The following FRMPD4 variants were observed in gnomAD, a reference collection of about 807,000 sequenced individuals.
FRMPD4 encodes the protein FERM and PDZ domain-containing protein 4.
In FRMPD4, 22 loss-of-function variants were observed where a neutral mutation model predicts 94.1. The ratio of observed to expected loss-of-function variants is 0.23; its 90% CI spans 0.17 to 0.33. FRMPD4 has a LOEUF of 0.33. Ranked by LOEUF, FRMPD4 falls within the 10% of genes least tolerant of loss-of-function variation. The probability of loss-of-function intolerance (pLI) is 1.00; values close to 1 mark genes in which losing one functional copy is unlikely to be tolerated. For synonymous variants in FRMPD4, 631 were observed against 548.6 expected (o/e 1.15, Z -2.10); for missense variants, 1,111 against 1,339.9 (o/e 0.83, Z 2.67).
intron 1 of FRMPD4, among the ~76,000 whole-genome samples, chrX:12,414,328 A>G (rs750568896): frequency 8.9e-5 from 10 of 112,411 alleles, no homozygotes; most frequent in Admixed American, 2.8e-4. Flanking sequence ...CAAAAGGTCT[A>G]TCATTGATTC....
chrX:12,342,043 C>T (rs72612880), intron 1 of FRMPD4, among the ~76,000 whole-genome samples: 1 of 111,847 alleles, frequency 8.9e-6, no homozygotes, highest in East Asian at 2.8e-4. Context: ...TAGAAGAGAT[C>T]GGATTTGTGA....
At chrX:11,863,482 C>T (rs1438796459) in intron 1 of FRMPD4, among the ~76,000 whole-genome samples, 1 of 110,876 alleles carries the variant, frequency 9.0e-6, no homozygotes, top group Admixed American at 9.7e-5. Flanking sequence ...TTGGTGGGAA[C>T]TGAAGAAGAT....
intron 1 of FRMPD4, among the ~76,000 whole-genome samples, chrX:12,263,272 C>CT (rs948923053): frequency 2.7e-5 from 3 of 111,269 alleles, no homozygotes; most frequent in African/African-American, 9.8e-5. Flanking sequence ...CCAGGAAACT[C>CT]CTTAGTCCCC....
At chrX:12,341,102 T>C (rs1026177955) in intron 1 of FRMPD4, among the ~76,000 whole-genome samples, 22 of 112,178 alleles carry the variant, frequency 2.0e-4, no homozygotes, top group African/African-American at 6.8e-4. Context: ...TTCAAGTCAG[T>C]TTTTAAATCT....
intron 2 of FRMPD4, among the ~76,000 whole-genome samples, chrX:12,574,808 C>T (rs902080570): frequency 5.4e-5 from 6 of 112,051 alleles, no homozygotes; most frequent in African/African-American, 1.6e-4. Context: ...GTGCCCAGCC[C>T]GGGGTATTTT....
chrX:11,855,639 G>A lies in FRMPD4; in HGVS notation c.-160-9447G>A, dbSNP rs1014689942. On this transcript the variant is annotated intron_variant, in intron 1 of 18. Coordinates refer to the FRMPD4 transcript ENST00000640291. ...GTGACCTTTATTTCAGTTCCCAACA[G>A]GTTCCTCATCTCCATCTGAGACCAC... 2.7e-5 allele frequency among the ~76,000 whole-genome samples: 3 copies of A among 112,091 alleles called. No homozygotes were observed. In the Admixed American group the frequency reaches 2.8e-4, roughly 11 times the overall value.
At chrX:11,968,137 A>G (rs1408671138) in intron 3 of FRMPD4, among the ~76,000 whole-genome samples, 1 of 111,039 alleles carries the variant, frequency 9.0e-6, no homozygotes, top group Non-Finnish European at 1.9e-5. Context: ...AGGTCAAAAG[A>G]AAGAGAACAG....
intron 3 of FRMPD4, among the ~76,000 whole-genome samples, chrX:11,906,488 A>G (rs2053968845): frequency 8.9e-6 from 1 of 111,832 alleles, no homozygotes; most frequent in South Asian, 3.8e-4. Context: ...GCTAAGATAT[A>G]GAATTCTTGG....
At chrX:12,522,982 G>T (rs1479714686) in intron 2 of FRMPD4, among the ~76,000 whole-genome samples, 3 of 112,092 alleles carry the variant, frequency 2.7e-5, no homozygotes, top group African/African-American at 9.7e-5. Context: ...GCCCACTCAA[G>T]GTTAAGGAGG....
At chrX:12,621,970 GAA>G (rs1381708319) in intron 4 of FRMPD4, among the ~76,000 whole-genome samples, 1 of 17,931 alleles carries the variant, frequency 5.6e-5, no homozygotes, top group Non-Finnish European at 9.3e-5. Context: ...GAAAGAAAGA[GAA>G]AGAAAGAAAG....
chrX:11,856,512 T>C (rs748063734), intron 1 of FRMPD4, among the ~76,000 whole-genome samples: 175 of 109,518 alleles, frequency 1.6e-3, no homozygotes, highest in Non-Finnish European at 2.6e-3. Context: ...CATCCATTAA[T>C]GTTAAAAAAA....
At chrX:12,444,879 GGA>G (rs1382452313) in intron 1 of FRMPD4, among the ~76,000 whole-genome samples, 5 of 111,963 alleles carry the variant, frequency 4.5e-5, no homozygotes, top group Non-Finnish European at 9.4e-5. Flanking sequence ...GTTGCATTGG[GGA>G]TTAAGTTTCC....
At chrX:12,011,916 T>TA in intron 3 of FRMPD4, among the ~76,000 whole-genome samples, 1 of 109,698 alleles carries the variant, frequency 9.1e-6, no homozygotes, top group Admixed American at 9.7e-5. Context: ...ATTTTTTTTT[T>TA]TTTTTGATGG....
intron 3 of FRMPD4, among the ~76,000 whole-genome samples, chrX:11,907,931 C>T (rs2053976600): frequency 9.2e-6 from 1 of 109,179 alleles, no homozygotes; most frequent in Admixed American, 9.8e-5. Flanking sequence ...GCTCTTCTTT[C>T]CTCCTCTTCC....
At chrX:12,529,140 G>C (rs73440714) in intron 2 of FRMPD4, among the ~76,000 whole-genome samples, 1 of 112,103 alleles carries the variant, frequency 8.9e-6, no homozygotes, top group Non-Finnish European at 1.9e-5. Flanking sequence ...TCATTTGAAA[G>C]TTAGATTGGG....
intron 3 of FRMPD4, among the ~76,000 whole-genome samples, chrX:12,101,550 T>C (rs2055256267): frequency 8.9e-6 from 1 of 111,837 alleles, no homozygotes; most frequent in South Asian, 3.7e-4. Flanking sequence ...TGTACAATCT[T>C]TCAAATTTTT....
intron 1 of FRMPD4, among the ~76,000 whole-genome samples, chrX:12,289,345 G>C (rs1243116740): frequency 8.9e-6 from 1 of 111,798 alleles, no homozygotes; most frequent in East Asian, 2.8e-4. Flanking sequence ...CTAATCTCTA[G>C]ACCTGTGTTG....
rs768855769 is a variant in FRMPD4, at chrX:12,724,272, G to A, written c.*2414G>A. On this transcript the variant is annotated 3_prime_UTR_variant, in exon 17 of 17. Transcript: ENST00000675598. The stretch of plus-strand genomic sequence containing the variant: ...CTTCTAATCAACCTCCCATTACTGC[G>A]CCAGTAAGTTTCTGTTTCTTATAAA... The A allele has an allele frequency of 9.9e-5, 11 of 111,328 alleles. No homozygotes were observed. The South Asian group carries it at 2.3e-3, about 23-fold the overall frequency. The allele number at this position is 111,328 out of a possible 1,213,427, so 9.2% of individuals were successfully genotyped here. A position where few individuals can be genotyped will look rare whatever the true frequency, so the allele number is the denominator to read the frequency against.
At chrX:12,303,941 A>T (rs2054897210) in intron 1 of FRMPD4, among the ~76,000 whole-genome samples, 1 of 111,900 alleles carries the variant, frequency 8.9e-6, no homozygotes, top group Admixed American at 9.5e-5. Flanking sequence ...CATAAGATGG[A>T]CGTGTCCAAG....
Sources: gnomAD v4.1 joint callset for allele counts (sites outside exome capture counted in the v4.1 genomes callset) on GRCh38, gnomAD v4.1.1 for gene constraint, MANE v1.5 for transcripts, NCBI Gene and HGNC (gene_info 2026-07-23, HGNC 2026-07-21) for gene names.